The following LRRC4C variants were observed in gnomAD, a reference collection of about 807,000 sequenced individuals.
The protein encoded by LRRC4C is leucine-rich repeat-containing protein 4C.
A neutral mutation model predicts 33.6 loss-of-function variants in LRRC4C; 5 were observed. The observed-to-expected ratio is 0.15, with a 90% CI of 0.08 to 0.31. LRRC4C has a LOEUF of 0.31. Ranked by LOEUF, LRRC4C falls within the 10% of genes least tolerant of loss-of-function variation. LRRC4C has a pLI of 1.00. For synonymous variants in LRRC4C, 329 were observed against 302.0 expected (o/e 1.09, Z -0.93); for missense variants, 560 against 796.7 (o/e 0.70, Z 3.58).
chr11:41,417,359 A>G (rs750590837), intron 1 of LRRC4C, among the ~76,000 whole-genome samples: 15 of 152,204 alleles, frequency 9.9e-5, no homozygotes, highest in African/African-American at 2.6e-4. Flanking sequence ...GACCTAAATA[A>G]AAGTTGACTG....
At chr11:40,190,629 A>G (rs1861762331) in intron 5 of LRRC4C, among the ~76,000 whole-genome samples, 1 of 152,176 alleles carries the variant, frequency 6.6e-6, no homozygotes, top group Non-Finnish European at 1.5e-5. Flanking sequence ...TTGAACACGA[A>G]TTTTAATATG....
At chr11:40,905,089 T>G (rs1956362151) in intron 2 of LRRC4C, among the ~76,000 whole-genome samples, 3 of 151,480 alleles carry the variant, frequency 2.0e-5, no homozygotes. Flanking sequence ...TGTACAGGAG[T>G]GTATATATAG....
chr11:41,196,414 G>T (rs1022416262), intron 1 of LRRC4C, among the ~76,000 whole-genome samples: 1 of 152,004 alleles, frequency 6.6e-6, no homozygotes, highest in Non-Finnish European at 1.5e-5. Context: ...GTGATGACAA[G>T]AACTTAAATC....
intron 1 of LRRC4C, among the ~76,000 whole-genome samples, chr11:41,238,384 A>C (rs1002359888): frequency 6.6e-6 from 1 of 152,192 alleles, no homozygotes; most frequent in African/African-American, 2.4e-5. Context: ...TAATTAAAAT[A>C]ACATATTATA....
intron 2 of LRRC4C, among the ~76,000 whole-genome samples, chr11:40,911,940 G>T (rs994255391): frequency 6.6e-6 from 1 of 152,194 alleles, no homozygotes; most frequent in Non-Finnish European, 1.5e-5. Flanking sequence ...GGAATAAAAG[G>T]TATCAGTGAT....
chr11:40,717,360 T>G (rs1019158379), intron 2 of LRRC4C, among the ~76,000 whole-genome samples: 6 of 151,942 alleles, frequency 3.9e-5, no homozygotes, highest in African/African-American at 9.7e-5. Context: ...GAACTGGAAG[T>G]CAGTCCAAAG....
intron 1 of LRRC4C, among the ~76,000 whole-genome samples, chr11:41,006,481 T>C (rs1201267550): frequency 6.6e-6 from 1 of 152,150 alleles, no homozygotes; most frequent in Non-Finnish European, 1.5e-5. Context: ...CCATAATTCA[T>C]TAGCATGTTT....
intron 3 of LRRC4C, among the ~76,000 whole-genome samples, chr11:40,331,500 G>A (rs1377181539): frequency 6.6e-6 from 1 of 150,860 alleles, no homozygotes; most frequent in Non-Finnish European, 1.5e-5. Flanking sequence ...TACTGTCATT[G>A]ACTGAAACAT....
chr11:40,173,374 T>C (rs534161016), intron 5 of LRRC4C, among the ~76,000 whole-genome samples: 20 of 152,366 alleles, frequency 1.3e-4, no homozygotes, highest in African/African-American at 4.6e-4. Flanking sequence ...TGTCTGGTTG[T>C]ATGCCATGTG....
At chr11:40,956,105 GAAC>G (rs1958943718) in intron 1 of LRRC4C, among the ~76,000 whole-genome samples, 1 of 151,770 alleles carries the variant, frequency 6.6e-6, no homozygotes, top group Non-Finnish European at 1.5e-5. Flanking sequence ...GAGGGCTCTT[GAAC>G]AGTGAGCAAT....
chr11:40,452,363 G>A (rs916892009), intron 3 of LRRC4C, among the ~76,000 whole-genome samples: 4 of 152,248 alleles, frequency 2.6e-5, no homozygotes, highest in Middle Eastern at 3.4e-3. Flanking sequence ...ATCAAAAAGT[G>A]GGTGAAGGAT....
chr11:40,938,374 C>G (rs1957998912), intron 1 of LRRC4C, among the ~76,000 whole-genome samples: 1 of 152,052 alleles, frequency 6.6e-6, no homozygotes, highest in Admixed American at 6.6e-5. Context: ...TGATAATGTA[C>G]TGAGGAACAG....
Position 40,487,106 on chromosome 11 carries a change from T to C in LRRC4C, c.-270+161036A>G, listed in dbSNP as rs554807695. On this transcript the variant is annotated intron_variant, in intron 3 of 6. Transcript: ENST00000528697. ...TGTGTGAGTTGGACTACGAACTTGA[T>C]GGCTGAAGCTTTAGCTACTATCCGT... Among the ~76,000 whole-genome samples, 113 of 152,102 alleles carry C rather than the reference T, an allele frequency of 7.4e-4. 1 individual carries two copies. The highest frequency in any genetic ancestry group is 1.3e-3 in the Non-Finnish European group (87 of 67,980).
chr11:40,946,093 C>T (rs747447864), intron 1 of LRRC4C, among the ~76,000 whole-genome samples: 5 of 152,064 alleles, frequency 3.3e-5, no homozygotes, highest in Non-Finnish European at 5.9e-5. Flanking sequence ...CTCCTGCCCT[C>T]CTCCCTCTAG....
intron 1 of LRRC4C, among the ~76,000 whole-genome samples, chr11:40,993,687 T>C (rs1332641162): frequency 6.6e-6 from 1 of 152,114 alleles, no homozygotes; most frequent in Non-Finnish European, 1.5e-5. Flanking sequence ...AATATTTCTA[T>C]TGCGAATATC....
intron 2 of LRRC4C, among the ~76,000 whole-genome samples, chr11:40,666,801 A>G (rs1943833895): frequency 6.6e-6 from 1 of 152,206 alleles, no homozygotes; most frequent in Non-Finnish European, 1.5e-5. Flanking sequence ...ATTTAGAAAC[A>G]GATGGTAATC....
chr11:40,195,142 A>G (rs139829922), intron 5 of LRRC4C, among the ~76,000 whole-genome samples: 1 of 152,280 alleles, frequency 6.6e-6, no homozygotes, highest in East Asian at 1.9e-4. Context: ...GCAACTCAGG[A>G]ATCCTGTAGC....
chr11:41,345,571 A>G (rs1170912831), intron 1 of LRRC4C, among the ~76,000 whole-genome samples: 1 of 152,164 alleles, frequency 6.6e-6, no homozygotes, highest in East Asian at 1.9e-4. Context: ...CCCATAGCCT[A>G]TTATCTATAA....
chr11:41,075,032 T>TTTTTTTATTTTG (rs1565359535), intron 1 of LRRC4C, among the ~76,000 whole-genome samples: 4 of 33,746 alleles, frequency 1.2e-4, no homozygotes, highest in African/African-American at 5.1e-4. Context: ...TTTTTTTTTT[T>TTTTTTTATTTTG]TTTTATTTTT....
Sources: gnomAD v4.1 joint callset for allele counts (sites outside exome capture counted in the v4.1 genomes callset) on GRCh38, gnomAD v4.1.1 for gene constraint, MANE v1.5 for transcripts, NCBI Gene and HGNC (gene_info 2026-07-23, HGNC 2026-07-21) for gene names.